The following MYO7B variants were observed in gnomAD, a reference collection of about 807,000 sequenced individuals.
The protein encoded by MYO7B is unconventional myosin-VIIb.
In MYO7B, 212 loss-of-function variants were observed where a neutral mutation model predicts 259.7. The ratio of observed to expected loss-of-function variants is 0.82; its 90% CI spans 0.73 to 0.91. The LOEUF (loss-of-function observed/expected upper bound fraction) is 0.91. Among genes scored for constraint, MYO7B ranks in the 40% least tolerant of loss-of-function variants. MYO7B has a pLI of 0.00. For missense variants in MYO7B, 2,732 were observed against 2,813.5 expected (o/e 0.97, Z 0.66); for synonymous variants, 1,197 against 1,166.4 (o/e 1.03, Z -0.54).
At chr2:127,548,792 G>C (rs774813236) in intron 1 of MYO7B, among the ~76,000 whole-genome samples, 4 of 152,098 alleles carry the variant, frequency 2.6e-5, no homozygotes, top group Non-Finnish European at 5.9e-5. Context: ...AAATTTCGAT[G>C]TGATATTTTC....
In MYO7B at chr2:127,576,921, C is replaced by A. The variant is rs1339610258; in HGVS notation, c.849+213C>A. Among the ~76,000 whole-genome samples the A allele has an allele frequency of 6.6e-6, 1 of 152,130 alleles. No homozygotes were observed. The highest frequency in any genetic ancestry group is 6.5e-5 in the Admixed American group (1 of 15,282). On this transcript the variant is annotated intron_variant, in intron 8 of 47. Transcript: ENST00000409816. The surrounding 1 kb of genome is among the most constrained non-coding windows in gnomAD (Gnocchi z 4.9). ...GCTTCCCCGTCACATGTACCCCATGCCCCAGGCTGGACCCGGGGCCTCCCC... is the reference window on the plus strand; with the variant it reads ...GCTTCCCCGTCACATGTACCCCATGACCCAGGCTGGACCCGGGGCCTCCCC...
At position 127,634,909 on chromosome 2, in the gene MYO7B, A is replaced by C. The variant is rs1162826824; in HGVS notation, c.5714-211A>C. On this transcript the variant is annotated intron_variant, in intron 42 of 47. Coordinates refer to ENST00000409816, the MANE Select transcript of MYO7B (RefSeq NM_001393586.1). ...GGATGCCCCAGGGCTGAGGGGCATG[A>C]CCCTCATGGGCTGGGAGTGCGAGTC... 7 of 636,808 alleles carry C rather than the reference A, an allele frequency of 1.1e-5. No homozygotes were observed. In the East Asian group the frequency reaches 1.9e-4, roughly 17 times the overall value. 39.4% of individuals were successfully genotyped at this position (636,808 alleles called of 1,614,324 possible). A position where few individuals can be genotyped will look rare whatever the true frequency, so the allele number is the denominator to read the frequency against.
intron 1 of MYO7B, among the ~76,000 whole-genome samples, chr2:127,547,097 A>C (rs1030494288): frequency 5.3e-5 from 8 of 151,064 alleles, no homozygotes; most frequent in Admixed American, 4.6e-4. Flanking sequence ...TCCATCCACC[A>C]ACCCATCCAT....
intron 20 of MYO7B, among the ~76,000 whole-genome samples, chr2:127,606,796 T>G (rs554774861): frequency 6.6e-6 from 1 of 152,326 alleles, no homozygotes; most frequent in South Asian, 2.1e-4. Context: ...CCTCAGGGAT[T>G]TGAGTGGCCA....
intron 1 of MYO7B, among the ~76,000 whole-genome samples, chr2:127,542,674 G>T (rs1276357862): frequency 6.6e-6 from 1 of 152,188 alleles, no homozygotes; most frequent in Non-Finnish European, 1.5e-5. Flanking sequence ...TATAGAGAAA[G>T]AAAAGTGGGC....
rs529827136 is a variant in MYO7B at position 127,592,259 on chromosome 2, G to C, written c.1993-535G>C. On this transcript the variant is annotated intron_variant, in intron 16 of 47. Coordinates refer to ENST00000409816, the MANE Select transcript of MYO7B (RefSeq NM_001393586.1). ...AAAATACAAAACTTACCCGGGCGTG[G>C]TGCTACACGCCTGTAATCCCAGCTA... 7.9e-5 allele frequency among the ~76,000 whole-genome samples: 12 copies of C among 152,280 alleles called. No individual in the cohort carries two copies. The South Asian group carries it at 2.5e-3, about 32-fold the overall frequency.
rs1348520410 is a variant in MYO7B at position 127,609,764 on chromosome 2, G to A, written c.3024+49G>A. ...GTGGATCAGGCCAGCCCCGAGCCTG[G>A]GGTGTGAGCTATGGCTCGGGGAAAG... On this transcript the variant is annotated intron_variant, in intron 23 of 47. Transcript: ENST00000409816. The surrounding 1 kb of genome is among the most constrained non-coding windows in gnomAD (Gnocchi z 6.9). 1.2e-6 allele frequency: 2 copies of A among 1,612,016 alleles called. No individual in the cohort carries two copies. The highest frequency in any genetic ancestry group is 1.7e-5 in the Admixed American group (1 of 59,996).
intron 15 of MYO7B, among the ~76,000 whole-genome samples, chr2:127,589,267 ATGGATGGGTGGG>A (rs1410119180): frequency 1.9e-3 from 44 of 23,268 alleles, no homozygotes; most frequent in Non-Finnish European, 3.1e-3. Context: ...GGGTGAGTGG[ATGGATGGGTGGG>A]TGGATGGGTG....
chr2:127,612,693 C>T, intron 26 of MYO7B, 90 bp downstream of exon 26: 1 of 1,518,906 alleles, frequency 6.6e-7, no homozygotes, highest in Non-Finnish European at 8.8e-7. Flanking sequence ...CCCACCACCC[C>T]TATGACACCT....
At chr2:127,622,230 C>T (rs1680874381) in intron 28 of MYO7B, 129 bp downstream of exon 28, 1 of 1,271,424 alleles carries the variant, frequency 7.9e-7, no homozygotes, top group African/African-American at 1.5e-5. Context: ...ATCTCCTCTG[C>T]AGTACCTCCC....
chr2:127,602,968 C>T (rs551266612), intron 19 of MYO7B, among the ~76,000 whole-genome samples: 42 of 151,984 alleles, frequency 2.8e-4, no homozygotes, highest in South Asian at 6.3e-4. Flanking sequence ...CCACTGTACT[C>T]CAGCCTAGGC....
In MYO7B at chr2:127,636,535, T is replaced by G; in HGVS notation, c.6124-10T>G. ...GGCTGGACTATGACCGCCGTGTCCC[T>G]CCCTCCCAGCAAACCTCGGAGCCTT... On this transcript the variant is annotated splice_polypyrimidine_tract_variant and intron_variant, in intron 45 of 47. Coordinates refer to ENST00000409816, the MANE Select transcript of MYO7B (RefSeq NM_001393586.1). The surrounding 1 kb of genome is among the most constrained non-coding windows in gnomAD (Gnocchi z 4.5). 6.2e-7 allele frequency: 1 copy of G among 1,607,616 alleles called. No individual in the cohort carries two copies. The highest frequency in any genetic ancestry group is 2.3e-5 in the East Asian group (1 of 44,430).
At position 127,607,010 on chromosome 2, in the gene MYO7B, C is replaced by T. The variant is rs1369042612; in HGVS notation, c.2425-196C>T. Among the ~76,000 whole-genome samples the T allele has an allele frequency of 9.2e-5, 14 of 152,248 alleles. No homozygotes were observed. Among genetic ancestry groups the T allele is most frequent in the Admixed American group, 6.5e-4 (10 of 15,290 alleles). ...TTATTTAGCACTTATTTGCATGTCA[C>T]GCTCTGGCCTAAGTACTTTGTAAGC... On this transcript the variant is annotated intron_variant, in intron 20 of 47. Coordinates refer to ENST00000409816, the MANE Select transcript of MYO7B (RefSeq NM_001393586.1). This position sits in a 1 kb window ranked among gnomAD's most constrained non-coding sequence, Gnocchi z 4.4.
Position 127,565,240 on chromosome 2 carries a change from G to A in MYO7B, c.140G>A (p.Trp47Ter), listed in dbSNP as rs1223447245. The A allele has an allele frequency of 6.2e-7, 1 of 1,613,542 alleles. No homozygotes were observed. Among genetic ancestry groups the A allele is most frequent in the African/African-American group, 1.3e-5 (1 of 74,920 alleles). ...LVEDDEGKEHWIRAEDFGVLS... is the reference protein window; with the variant it reads ...LVEDDEGKEH ...CTGCACCCATTGTTCCAGGAACACT[G>A]GATCCGAGCAGAGGACTTTGGTGTC... The change falls in exon 4 of 48, where the codon TGG becomes TAG. Residue 47 changes from tryptophan to a stop codon, truncating the protein, a stop_gained. Transcript: ENST00000409816. LOFTEE classifies it high-confidence loss of function.
At chr2:127,568,144 C>T (rs899539842) in intron 5 of MYO7B, among the ~76,000 whole-genome samples, 6 of 152,200 alleles carry the variant, frequency 3.9e-5, no homozygotes, top group Non-Finnish European at 8.8e-5. Flanking sequence ...AAACCCAGGG[C>T]TCTGGAGAAG....
Position 127,612,452 on chromosome 2 carries a change from T to C in MYO7B, c.3271-24T>C, listed in dbSNP as rs1224934611. On this transcript the variant is annotated intron_variant, in intron 25 of 47. Transcript: ENST00000409816. ...CAGATGGGGAGAATCATAGCTGTCC[T>C]GATGGCTGCCTTTGGGTTTCAAGGT... The C allele has an allele frequency of 2.6e-6, 4 of 1,551,576 alleles. No individual in the cohort carries two copies. The Admixed American group carries it at 7.8e-5, about 30-fold the overall frequency.
chr2:127,593,499 G>A, intron 17 of MYO7B, 47 bp from the exon 18 acceptor site: 1 of 1,572,314 alleles, frequency 6.4e-7, no homozygotes, highest in Non-Finnish European at 8.7e-7. Context: ...AGCCGCCGAG[G>A]GGTCTCTGCC....
intron 16 of MYO7B, among the ~76,000 whole-genome samples, chr2:127,592,467 G>A (rs1679593456): frequency 6.6e-6 from 1 of 152,184 alleles, no homozygotes; most frequent in African/African-American, 2.4e-5. Flanking sequence ...TGCAGAGGAC[G>A]TTTACATTCA....
Position 127,622,015 on chromosome 2 carries a change from A to G in MYO7B, c.3559A>G (p.Thr1187Ala), listed in dbSNP as rs1394814611. ...GAACTTCATCGGCCAAGGGCCGGCGACCTACGGCCCCTTCTGTGCCGAGCG... is the reference window on the plus strand; with the variant it reads ...GAACTTCATCGGCCAAGGGCCGGCGGCCTACGGCCCCTTCTGTGCCGAGCG... ...LLNFIGQGPA[T>A]YGPFCAERLR... The change falls in exon 28 of 48, where the codon ACC (threonine) becomes GCC (alanine). Residue 1187 changes from threonine to alanine, a missense_variant. This residue lies in a region of MYO7B where 1,906 missense variants were observed against 2,026.4 expected (regional missense o/e 0.94). Transcript: ENST00000409816. 5 of 1,551,752 alleles carry G rather than the reference A, an allele frequency of 3.2e-6. No homozygotes were observed. Among genetic ancestry groups the G allele is most frequent in the Non-Finnish European group, 1.7e-6 (2 of 1,146,984 alleles).
Sources: gnomAD v4.1 joint callset for allele counts (sites outside exome capture counted in the v4.1 genomes callset) on GRCh38, gnomAD v4.1.1 for gene constraint, gnomAD v4.1.1 regional missense constraint, Gnocchi (gnomAD v3.1) non-coding constraint, MANE v1.5 for transcripts, NCBI Gene and HGNC (gene_info 2026-07-23, HGNC 2026-07-21) for gene names.